The following INVS variants were observed in gnomAD, a reference collection of about 807,000 sequenced individuals.
The protein encoded by INVS is inversin.
In INVS, 86 loss-of-function variants were observed where a neutral mutation model predicts 108.8. The observed-to-expected ratio is 0.79, with a 90% CI of 0.66 to 0.95. INVS has a LOEUF of 0.95. Among genes scored for constraint, INVS ranks in the 40% least tolerant of loss-of-function variants. The pLI is 0.00. For synonymous variants in INVS, 455 were observed against 473.5 expected (o/e 0.96, Z 0.51); for missense variants, 1,169 against 1,297.4 (o/e 0.90, Z 1.52).
chr9:100,212,541 G>A (rs1360066842), intron 3 of INVS, among the ~76,000 whole-genome samples: 1 of 151,450 alleles, frequency 6.6e-6, no homozygotes. Context: ...ATTCCCTTCA[G>A]GTGCCTCAAA....
chr9:100,155,199 A>G (rs1187291345), intron 3 of INVS, among the ~76,000 whole-genome samples: 2 of 151,248 alleles, frequency 1.3e-5, no homozygotes, highest in African/African-American at 4.9e-5. Context: ...CAACAGAGTG[A>G]GACTCCATCT....
At chr9:100,109,664 TA>T (rs1303189439) in intron 2 of INVS, among the ~76,000 whole-genome samples, 5 of 152,120 alleles carry the variant, frequency 3.3e-5, no homozygotes, top group African/African-American at 1.2e-4. Flanking sequence ...TCTACTTGTT[TA>T]TTTATTTATT....
chr9:100,208,267 G>T (rs1395665978), intron 3 of INVS, among the ~76,000 whole-genome samples: 1 of 152,178 alleles, frequency 6.6e-6, no homozygotes, highest in African/African-American at 2.4e-5. Flanking sequence ...ATACAATTTT[G>T]AATTCAAGCA....
chr9:100,225,901 C>T, intron 3 of INVS, among the ~76,000 whole-genome samples, 161 bp from the exon 4 acceptor site: 1 of 142,876 alleles, frequency 7.0e-6, no homozygotes, highest in East Asian at 1.9e-4. Flanking sequence ...AAAAATAAAA[C>T]AATTGATAGT....
intron 3 of INVS, among the ~76,000 whole-genome samples, chr9:100,195,478 G>A (rs539122226): frequency 6.8e-6 from 1 of 146,708 alleles, no homozygotes; most frequent in South Asian, 2.1e-4. Flanking sequence ...CCCACCACAC[G>A]CAACACATCA....
chr9:100,155,493 T>G (rs1218513766), intron 3 of INVS, among the ~76,000 whole-genome samples: 1 of 152,034 alleles, frequency 6.6e-6, no homozygotes, highest in East Asian at 1.9e-4. Flanking sequence ...CGCACCACCA[T>G]GCCCAGCTAA....
At position 100,099,331 on chromosome 9, in the gene INVS, T is replaced by G. The variant is rs7024375; in HGVS notation, c.-110T>G. On this transcript the variant is annotated 5_prime_UTR_variant, in exon 1 of 17. Transcript: ENST00000262457. ...TGGGGTCTGACCTGGCTGGATATAG[T>G]GTACCGGCCCGGCAGGAGGGGCGGC... The G allele has an allele frequency of 0.18, 26,989 of 153,298 alleles. 3,521 individuals carry two copies. The highest frequency in any genetic ancestry group is 0.64 in the East Asian group (3,294 of 5,122). 9.5% of individuals were successfully genotyped at this position (153,298 alleles called of 1,614,324 possible). A position where few individuals can be genotyped will look rare whatever the true frequency, so the allele number is the denominator to read the frequency against.
intron 12 of INVS, among the ~76,000 whole-genome samples, chr9:100,274,581 T>C (rs1270385107): frequency 6.6e-6 from 1 of 152,192 alleles, no homozygotes; most frequent in Non-Finnish European, 1.5e-5. Context: ...CGCCACTCAC[T>C]GCAGCCTCCA....
At chr9:100,260,210 A>G (rs1241167027) in intron 10 of INVS, among the ~76,000 whole-genome samples, 1 of 93,172 alleles carries the variant, frequency 1.1e-5, no homozygotes, top group Non-Finnish European at 2.2e-5. Context: ...TTTTTTTGAG[A>G]CAAGAGTCTC....
intron 3 of INVS, among the ~76,000 whole-genome samples, chr9:100,155,429 C>T (rs1376591202): frequency 6.6e-6 from 1 of 152,126 alleles, no homozygotes; most frequent in African/African-American, 2.4e-5. Flanking sequence ...CTCCACCTCC[C>T]AGGATCAAGT....
chr9:100,201,091 T>A (rs902188647), intron 3 of INVS, among the ~76,000 whole-genome samples: 21 of 152,218 alleles, frequency 1.4e-4, no homozygotes, highest in African/African-American at 4.3e-4. Context: ...TCCAAATTGA[T>A]TTAGACAGTT....
intron 2 of INVS, among the ~76,000 whole-genome samples, chr9:100,119,337 T>A (rs1431929312): frequency 1.3e-5 from 2 of 152,252 alleles, no homozygotes; most frequent in Non-Finnish European, 2.9e-5. Flanking sequence ...TTTAATTTTT[T>A]AATAAAGTAC....
chr9:100,223,668 T>A (rs1229454105), intron 3 of INVS, among the ~76,000 whole-genome samples: 1 of 152,214 alleles, frequency 6.6e-6, no homozygotes, highest in Non-Finnish European at 1.5e-5. Context: ...GAATAAAGAA[T>A]AACAAGTAAG....
intron 2 of INVS, among the ~76,000 whole-genome samples, chr9:100,106,160 T>C (rs1319680474): frequency 6.6e-6 from 1 of 152,168 alleles, no homozygotes; most frequent in Non-Finnish European, 1.5e-5. Flanking sequence ...AGGAACTCCC[T>C]CATCTTTCAG....
intron 13 of INVS, among the ~76,000 whole-genome samples, chr9:100,285,882 C>T (rs978352898): frequency 2.6e-5 from 4 of 152,194 alleles, no homozygotes; most frequent in African/African-American, 9.7e-5. Context: ...TTTAAACACA[C>T]TGAGCTACTC....
chr9:100,110,101 A>G (rs1447955188), intron 2 of INVS, among the ~76,000 whole-genome samples: 2 of 152,384 alleles, frequency 1.3e-5, no homozygotes, highest in Non-Finnish European at 2.9e-5. Context: ...GAGTCATTAA[A>G]TGTTTTTAAA....
intron 2 of INVS, among the ~76,000 whole-genome samples, chr9:100,119,714 C>T (rs533347776): frequency 9.8e-5 from 15 of 152,318 alleles, no homozygotes; most frequent in African/African-American, 3.6e-4. Flanking sequence ...CCCGCCACCA[C>T]ACCTGGCTGA....
Position 100,298,045 on chromosome 9 carries a change from G to A in INVS, c.3091+35G>A, listed in dbSNP as rs1404307450. On this transcript the variant is annotated intron_variant, in intron 16 of 16. Transcript: ENST00000262457. The stretch of plus-strand genomic sequence containing the variant: ...CCACTGCAAAGCAGATGGTGGGGAA[G>A]AACATGGGGAAGCATTTTCCTTTGT... 5 of 1,614,040 alleles carry A rather than the reference G, an allele frequency of 3.1e-6. No homozygotes were observed. The East Asian group carries it at 1.1e-4, about 36-fold the overall frequency.
intron 1 of INVS, among the ~76,000 whole-genome samples, chr9:100,100,686 TATATTA>T (rs1826838762): frequency 5.2e-5 from 2 of 38,388 alleles, no homozygotes; most frequent in Non-Finnish European, 7.8e-5. Flanking sequence ...ATATAATATA[TATATTA>T]TATATGTACA....
Sources: allele counts gnomAD v4.1 joint callset (sites outside exome capture counted in the v4.1 genomes callset), GRCh38; gene constraint gnomAD v4.1.1; transcripts MANE v1.5; gene names NCBI Gene and HGNC (gene_info 2026-07-23, HGNC 2026-07-21).